The following ATRN variants were observed in gnomAD, a reference collection of about 807,000 sequenced individuals.
ATRN encodes attractin-2.
In ATRN, 54 loss-of-function variants were observed where a neutral mutation model predicts 178.7. The observed-to-expected ratio is 0.30, with a 90% CI of 0.24 to 0.38. The LOEUF is 0.38. Among genes scored for constraint, ATRN ranks in the 10% least tolerant of loss-of-function variants. The pLI, the probability that ATRN is intolerant of heterozygous loss-of-function variation, is 1.00. For missense variants in ATRN, 1,443 were observed against 1,815.1 expected, an observed-to-expected ratio of 0.79 and a Z score of 3.73; for synonymous variants, 636 against 663.0, an observed-to-expected ratio of 0.96 and a Z score of 0.63.
At chr20:3,505,691 G>A (rs2085033710) in intron 1 of ATRN, among the ~76,000 whole-genome samples, 2 of 152,146 alleles carry the variant, frequency 1.3e-5, no homozygotes, top group South Asian at 4.1e-4. Flanking sequence ...CTGGCAGAGT[G>A]GATGAAGAAA....
chr20:3,525,118 G>C (rs1329726929), intron 1 of ATRN, among the ~76,000 whole-genome samples: 1 of 152,050 alleles, frequency 6.6e-6, no homozygotes, highest in Non-Finnish European at 1.5e-5. Flanking sequence ...TCCAGGAGCT[G>C]TTTTTTGAAA....
At position 3,540,300 on chromosome 20, in the gene ATRN, G is replaced by A; in HGVS notation, c.573G>A (p.Gly191=). The change falls in exon 3 of 29, where the codon GGG becomes GGA. Residue 191 remains glycine (G), a synonymous_variant. Transcript: ENST00000262919. ...CSWDHLYVYD[G]DSIYAPLVAA... is the part of the protein sequence containing the mutation. ...GGGACCATTTATATGTTTATGATGG[G>A]GACTCAATTTATGCACCGCTAGTTG... 1 of 1,609,228 alleles carries A rather than the reference G, an allele frequency of 6.2e-7. No individual in the cohort carries two copies. The highest frequency in any genetic ancestry group is 8.5e-7 in the Non-Finnish European group (1 of 1,177,466).
intron 1 of ATRN, among the ~76,000 whole-genome samples, chr20:3,504,440 C>T (rs896342700): frequency 5.3e-5 from 8 of 150,094 alleles, no homozygotes; most frequent in Non-Finnish European, 1.2e-4. Context: ...CTTTAGGAGG[C>T]CGAGGTGGGT....
In ATRN at chr20:3,612,642, T is replaced by C. The variant is rs143050770; in HGVS notation, c.3801+8380T>C. On this transcript the variant is annotated intron_variant, in intron 24 of 28. Transcript: ENST00000262919. ...AGTTTGGCAACATCTCCTGACACTA[T>C]TAAGATATAGATTATATATATTTGT... Among the ~76,000 whole-genome samples, 436 of 152,344 alleles carry C rather than the reference T, an allele frequency of 2.9e-3. 4 individuals are homozygous for C. The highest frequency in any genetic ancestry group is 0.011 in the South Asian group (54 of 4,834).
chr20:3,473,243 G>GCTCTT, intron 1 of ATRN, among the ~76,000 whole-genome samples: 2 of 152,204 alleles, frequency 1.3e-5, no homozygotes, highest in Non-Finnish European at 2.9e-5. Context: ...GTTTAAGGCT[G>GCTCTT]TGGAGGTAAA....
chr20:3,471,876 TTTGC>T (rs1228480671), intron 1 of ATRN, among the ~76,000 whole-genome samples: 1 of 152,200 alleles, frequency 6.6e-6, no homozygotes, highest in Non-Finnish European at 1.5e-5. Context: ...TCGAGCCAGG[TTTGC>T]TTGAACACTT....
chr20:3,487,052 T>G (rs2084704434), intron 1 of ATRN, among the ~76,000 whole-genome samples: 1 of 152,212 alleles, frequency 6.6e-6, no homozygotes, highest in Admixed American at 6.5e-5. Flanking sequence ...AGATCTGTTC[T>G]CTAGTTCACA....
At chr20:3,562,793 T>C (rs573018099) in intron 9 of ATRN, among the ~76,000 whole-genome samples, 2 of 152,218 alleles carry the variant, frequency 1.3e-5, no homozygotes, top group African/African-American at 2.4e-5. Context: ...GGTACTGTTT[T>C]ATATTCTGTC....
intron 12 of ATRN, 25 bp downstream of exon 12, chr20:3,572,976 A>T (rs2086149323): frequency 6.3e-7 from 1 of 1,589,944 alleles, no homozygotes; most frequent in South Asian, 1.1e-5. Flanking sequence ...CTCTACTTAG[A>T]TTTTAATGAA....
rs1227114487 is a variant in ATRN at position 3,484,733 on chromosome 20, C to T, written c.410+13216C>T. On this transcript the variant is annotated intron_variant, in intron 1 of 28. Coordinates refer to ENST00000262919, the MANE Select transcript of ATRN (RefSeq NM_139321.3). ...TATTATAGAGGGTCTTTCCATCCTT[C>T]GCATCCTTCTGGAAAGATGCTTTAT... 6.0e-5 allele frequency among the ~76,000 whole-genome samples: 9 copies of T among 150,386 alleles called. No individual in the cohort carries two copies. In the East Asian group the frequency reaches 1.4e-3, roughly 23 times the overall value.
chr20:3,487,629 G>A (rs1335260074), intron 1 of ATRN, among the ~76,000 whole-genome samples: 2 of 152,160 alleles, frequency 1.3e-5, no homozygotes, highest in African/African-American at 4.8e-5. Flanking sequence ...TTCCTCTTCA[G>A]TGAGACTTTA....
chr20:3,536,731 T>A (rs1451128444), intron 2 of ATRN, among the ~76,000 whole-genome samples: 1 of 152,240 alleles, frequency 6.6e-6, no homozygotes, highest in Admixed American at 6.5e-5. Context: ...ACAGCTGGAT[T>A]GTCATATCTT....
chr20:3,503,726 A>G (rs1174250692), intron 1 of ATRN, among the ~76,000 whole-genome samples: 1 of 152,194 alleles, frequency 6.6e-6, no homozygotes, highest in Non-Finnish European at 1.5e-5. Context: ...GGGCAATAAC[A>G]AAAGACTTAA....
At chr20:3,605,042 C>T (rs762387628) in intron 24 of ATRN, among the ~76,000 whole-genome samples, 3 of 152,178 alleles carry the variant, frequency 2.0e-5, no homozygotes, top group Non-Finnish European at 4.4e-5. Flanking sequence ...CTTTCAAGGA[C>T]TGGTTCACCT....
At position 3,471,286 on chromosome 20, in the gene ATRN, GGCTGCT is replaced by G; in HGVS notation, c.190_195del (p.Leu67_Leu68del). 1 of 1,469,726 alleles carries G rather than the reference GGCTGCT, an allele frequency of 6.8e-7. No homozygotes were observed. The highest frequency in any genetic ancestry group is 8.9e-7 in the Non-Finnish European group (1 of 1,119,626). 91.0% of individuals were successfully genotyped at this position (1,469,726 alleles called of 1,614,324 possible). A position where few individuals can be genotyped will look rare whatever the true frequency, so the allele number is the denominator to read the frequency against. On this transcript the variant is annotated inframe_deletion, in exon 1 of 29. Coordinates refer to ENST00000262919, the MANE Select transcript of ATRN (RefSeq NM_139321.3). ...CTGCTGTCTCCACCGCTGCGGCCACGGCTGCTGCTGCTGCTGTTGTTGCTCTCGCCG... is the reference window on the plus strand; with the variant it reads ...CTGCTGTCTCCACCGCTGCGGCCACGGCTGCTGCTGTTGTTGCTCTCGCCG...
intron 11 of ATRN, among the ~76,000 whole-genome samples, chr20:3,568,713 CT>C (rs2086073737): frequency 6.6e-6 from 1 of 152,124 alleles, no homozygotes; most frequent in Non-Finnish European, 1.5e-5. Flanking sequence ...TTAAAAACAT[CT>C]TGTTGAATAT....
intron 1 of ATRN, among the ~76,000 whole-genome samples, chr20:3,526,737 G>A: frequency 6.6e-6 from 1 of 152,036 alleles, no homozygotes; most frequent in Admixed American, 6.6e-5. Context: ...CAGATATATA[G>A]ACCAATGGAA....
intron 25 of ATRN, among the ~76,000 whole-genome samples, chr20:3,625,596 T>C (rs988386173): frequency 2.0e-5 from 3 of 152,158 alleles, no homozygotes; most frequent in Non-Finnish European, 4.4e-5. Flanking sequence ...TAAAGTATCA[T>C]TGTACTGTGA....
chr20:3,565,557 G>A (rs1378592196), intron 11 of ATRN, 125 bp downstream of exon 11: 3 of 741,790 alleles, frequency 4.0e-6, no homozygotes, highest in Non-Finnish European at 6.9e-6. Context: ...TACGAGGTCA[G>A]GAGATCAAGA....
Sources: allele counts gnomAD v4.1 joint callset (sites outside exome capture counted in the v4.1 genomes callset), GRCh38; gene constraint gnomAD v4.1.1; transcripts MANE v1.5; gene names NCBI Gene and HGNC (gene_info 2026-07-23, HGNC 2026-07-21).